Variants in PDLIM5 observed in about 807,000 individuals in gnomAD.
PDLIM5 encodes PDZ and LIM domain 5, also known as PDZ and LIM domain protein 5.
Under a neutral mutation model 64.2 loss-of-function variants are expected in PDLIM5, and 34 were observed. The observed-to-expected ratio is 0.53, with a 90% confidence interval of 0.40 to 0.71. PDLIM5 has a LOEUF of 0.71. Among genes scored for constraint, PDLIM5 ranks in the 30% least tolerant of loss-of-function variants. PDLIM5 has a pLI of 0.00. For synonymous variants in PDLIM5, 253 were observed against 269.1 expected, an observed-to-expected ratio of 0.94 and a Z score of 0.59; for missense variants, 683 against 733.6, an observed-to-expected ratio of 0.93 and a Z score of 0.80.
intron 2 of PDLIM5, among the ~76,000 whole-genome samples, chr4:94,494,432 G>GTTTTTTTTTTTT (rs61675663): frequency 4.3e-3 from 301 of 70,794 alleles, no homozygotes; most frequent in South Asian, 8.4e-3. Context: ...TTTTTTTCTT[G>GTTTTTTTTTTTT]TTTTTTTTTT....
intron 2 of PDLIM5, among the ~76,000 whole-genome samples, chr4:94,486,983 A>G (rs971850147): frequency 6.6e-6 from 1 of 152,202 alleles, no homozygotes; most frequent in Non-Finnish European, 1.5e-5. Flanking sequence ...AGCCTGGGCA[A>G]CAGAGTAAGA....
chr4:94,586,789 A>G (rs1736244033), intron 7 of PDLIM5, among the ~76,000 whole-genome samples: 1 of 152,190 alleles, frequency 6.6e-6, no homozygotes, highest in African/African-American at 2.4e-5. Context: ...TGTTTCCAAG[A>G]GGGATCTGTG....
intron 2 of PDLIM5, among the ~76,000 whole-genome samples, chr4:94,500,325 G>A (rs1727800457): frequency 6.6e-6 from 1 of 152,132 alleles, no homozygotes; most frequent in Non-Finnish European, 1.5e-5. Flanking sequence ...AAGAATTTTT[G>A]AAAAGCTGTG....
chr4:94,542,323 T>C (rs764842290), intron 3 of PDLIM5, among the ~76,000 whole-genome samples: 49 of 151,378 alleles, frequency 3.2e-4, no homozygotes, highest in Admixed American at 7.2e-4. Flanking sequence ...AATAAATAAA[T>C]AAATAAATAA....
intron 2 of PDLIM5, among the ~76,000 whole-genome samples, chr4:94,514,026 A>T (rs1445065641): frequency 2.0e-5 from 3 of 151,908 alleles, no homozygotes; most frequent in Non-Finnish European, 2.9e-5. Context: ...TATCACACTG[A>T]TTAATTTACA....
intron 2 of PDLIM5, among the ~76,000 whole-genome samples, chr4:94,520,213 G>C (rs188402295): frequency 2.0e-5 from 3 of 152,294 alleles, no homozygotes; most frequent in Admixed American, 2.0e-4. Flanking sequence ...ATTAAAGTCT[G>C]TGGAAAATTG....
At chr4:94,596,750 G>T (rs1017280480) in intron 7 of PDLIM5, among the ~76,000 whole-genome samples, 2 of 137,678 alleles carry the variant, frequency 1.5e-5, no homozygotes, top group Admixed American at 7.6e-5. Context: ...TTTTATAAAA[G>T]AAAATTGAAC....
chr4:94,488,649 T>C (rs984759955), intron 2 of PDLIM5, among the ~76,000 whole-genome samples: 2 of 152,180 alleles, frequency 1.3e-5, no homozygotes, highest in African/African-American at 4.8e-5. Context: ...AAAACACATA[T>C]CCATAAAAAC....
chr4:94,599,536 G>T (rs939358087), intron 7 of PDLIM5, among the ~76,000 whole-genome samples: 5 of 152,148 alleles, frequency 3.3e-5, no homozygotes. Context: ...AAAAATTAAA[G>T]GTTATGAATT....
intron 2 of PDLIM5, chr4:94,456,020 C>T: frequency 3.6e-6 from 5 of 1,394,280 alleles, no homozygotes; most frequent in Non-Finnish European, 4.7e-6. Flanking sequence ...GATGATAGCA[C>T]TGATGAGAGG....
At chr4:94,661,948 G>T (rs1469561699) in intron 11 of PDLIM5, among the ~76,000 whole-genome samples, 1 of 151,980 alleles carries the variant, frequency 6.6e-6, no homozygotes, top group Non-Finnish European at 1.5e-5. Context: ...AGCCTCCCGA[G>T]TAGCTGGGAC....
chr4:94,532,292 G>A (rs909174030), intron 3 of PDLIM5, among the ~76,000 whole-genome samples: 3 of 152,062 alleles, frequency 2.0e-5, no homozygotes, highest in East Asian at 1.9e-4. Context: ...ATGAAGGGAC[G>A]GACGAACGTA....
At chr4:94,640,010 A>G (rs1045402223) in intron 8 of PDLIM5, among the ~76,000 whole-genome samples, 2 of 151,912 alleles carry the variant, frequency 1.3e-5, no homozygotes, top group African/African-American at 4.8e-5. Flanking sequence ...CTGGGCAACA[A>G]GAGCGAAACT....
At chr4:94,614,062 A>C (rs2110384511) in intron 7 of PDLIM5, among the ~76,000 whole-genome samples, 1 of 149,210 alleles carries the variant, frequency 6.7e-6, no homozygotes, top group East Asian at 2.0e-4. Context: ...TCGCGGGTTC[A>C]AGTGATTCTC....
Position 94,586,440 on chromosome 4 carries a change from G to A in PDLIM5, c.916G>A (p.Ala306Thr), listed in dbSNP as rs1234755097. Reference protein sequence around the residue: ...KESEADNTKKANNSQEPSPQL... With the variant: ...KESEADNTKKTNNSQEPSPQL... Reference sequence around the variant, plus strand: ...ATCTGAAGCCGATAATACAAAGAAGGCAAAGTAAGTTCTCTATCTTTTTGA... The same window carrying A: ...ATCTGAAGCCGATAATACAAAGAAGACAAAGTAAGTTCTCTATCTTTTTGA... Residue 306 changes from alanine to threonine, a missense_variant, in exon 7 of 13, where the codon GCA becomes ACA. Ala to Thr is a moderately conservative substitution (Grantham distance 58). Coordinates refer to ENST00000317968, the MANE Select transcript of PDLIM5 (RefSeq NM_006457.5). The A allele has an allele frequency of 6.6e-7, 1 of 1,506,684 alleles. No homozygotes were observed. Among genetic ancestry groups the A allele is most frequent in the South Asian group, 1.2e-5 (1 of 86,662 alleles). The allele number at this position is 1,506,684 out of a possible 1,614,324, so 93.3% of individuals were successfully genotyped here. A position where few individuals can be genotyped will look rare whatever the true frequency, so the allele number is the denominator to read the frequency against.
intron 2 of PDLIM5, among the ~76,000 whole-genome samples, chr4:94,494,191 C>A (rs1727124205): frequency 6.6e-6 from 1 of 151,940 alleles, no homozygotes; most frequent in African/African-American, 2.4e-5. Context: ...TGGTCTCCAA[C>A]TCCCGGCCTC....
chr4:94,462,781 A>G (rs1724018534), intron 2 of PDLIM5, among the ~76,000 whole-genome samples: 1 of 152,108 alleles, frequency 6.6e-6, no homozygotes, highest in Non-Finnish European at 1.5e-5. Flanking sequence ...GAGGATGCCT[A>G]TTTCCCCATA....
intron 11 of PDLIM5, among the ~76,000 whole-genome samples, chr4:94,661,209 G>A (rs190619764): frequency 2.6e-5 from 4 of 152,208 alleles, no homozygotes; most frequent in Admixed American, 6.5e-5. Flanking sequence ...GGCAGCCTAC[G>A]AAGACCCTGT....
At position 94,575,639 on chromosome 4, in the gene PDLIM5, A is replaced by T. The variant is rs1368533365; in HGVS notation, c.315A>T (p.Lys105Asn). Residue 105 changes from lysine (K) to asparagine (N), a missense_variant, in exon 5 of 13, where the codon AAA (lysine) becomes AAT (asparagine). Coordinates refer to ENST00000317968, the MANE Select transcript of PDLIM5 (RefSeq NM_006457.5). Reference sequence around the variant, plus strand: ...AGGGAGAACCTAAAGAAGTAGTTAAACCTGTGCCCATTACATCTCCTGCTG... The same window carrying T: ...AGGGAGAACCTAAAGAAGTAGTTAATCCTGTGCCCATTACATCTCCTGCTG... ...VQKGEPKEVV[K>N]PVPITSPAVS... is the part of the protein sequence containing the mutation. The T allele has an allele frequency of 1.9e-6, 3 of 1,593,624 alleles. No individual in the cohort carries two copies. The highest frequency in any genetic ancestry group is 3.4e-5 in the Admixed American group (2 of 59,036).
Sources: gnomAD v4.1 joint callset for allele counts (sites outside exome capture counted in the v4.1 genomes callset) on GRCh38, gnomAD v4.1.1 for gene constraint, MANE v1.5 for transcripts, NCBI Gene and HGNC (gene_info 2026-07-23, HGNC 2026-07-21) for gene names.